Variants in CCDC178 observed in about 807,000 individuals in gnomAD.
The protein encoded by CCDC178 is coiled-coil domain containing 178, also known as coiled-coil domain-containing protein 178.
In CCDC178, 126 loss-of-function variants were observed where a neutral mutation model predicts 117.4. The ratio of observed to expected loss-of-function variants is 1.07; its 90% CI spans 0.93 to 1.24. The LOEUF (loss-of-function observed/expected upper bound fraction) is 1.24. Ranked by LOEUF, CCDC178 falls within the 50% of genes most tolerant of loss-of-function variation. The pLI is 0.00. For missense variants in CCDC178, 1,030 were observed against 986.9 expected (o/e 1.04, Z -0.59); for synonymous variants, 283 against 313.4 (o/e 0.90, Z 1.02).
intron 4 of CCDC178, 54 bp downstream of exon 4, chr18:33,397,095 T>C: frequency 8.6e-7 from 1 of 1,164,332 alleles, no homozygotes; most frequent in Non-Finnish European, 1.2e-6. Flanking sequence ...TTGAAAACAA[T>C]TAATATGTGA....
At chr18:33,117,452 C>T (rs1207807239) in intron 20 of CCDC178, among the ~76,000 whole-genome samples, 6 of 151,984 alleles carry the variant, frequency 3.9e-5, no homozygotes, top group Non-Finnish European at 5.9e-5. Flanking sequence ...AACTTGAGTC[C>T]CTGATATGGC....
Position 33,083,660 on chromosome 18 carries a change from T to C in CCDC178, c.2388+9101A>G, listed in dbSNP as rs115803059. 4.9e-4 allele frequency among the ~76,000 whole-genome samples: 75 copies of C among 152,358 alleles called. 1 individual carries two copies. The highest frequency in any genetic ancestry group is 3.4e-3 in the Middle Eastern group (1 of 294). On this transcript the variant is annotated intron_variant, in intron 21 of 22. Transcript: ENST00000383096. ...CCAGGCAATACTTATTTAAATACTTTCTTCCTGATTCTACTAGAGAAGTTA... is the reference window on the plus strand; with the variant it reads ...CCAGGCAATACTTATTTAAATACTTCCTTCCTGATTCTACTAGAGAAGTTA...
chr18:33,148,551 C>T (rs2058302208), intron 20 of CCDC178, among the ~76,000 whole-genome samples: 1 of 151,944 alleles, frequency 6.6e-6, no homozygotes, highest in Non-Finnish European at 1.5e-5. Context: ...TTTGTAATGT[C>T]TACCCACCAA....
intron 20 of CCDC178, among the ~76,000 whole-genome samples, chr18:33,098,533 C>G (rs1264009630): frequency 6.6e-6 from 1 of 152,018 alleles, no homozygotes; most frequent in Non-Finnish European, 1.5e-5. Flanking sequence ...TTACTGCAGA[C>G]AGCTCCTTGC....
rs115431202 is a variant in CCDC178, at chr18:33,002,140, G to C, written c.2389-27459C>G. Reference sequence around the variant, plus strand: ...GCTGTCTCAGACAGAAAATTAACAAGAAAATATCAGATGTAATTTCCACTA... The same window carrying C: ...GCTGTCTCAGACAGAAAATTAACAACAAAATATCAGATGTAATTTCCACTA... On this transcript the variant is annotated intron_variant, in intron 21 of 22. Transcript: ENST00000383096. Among the ~76,000 whole-genome samples the C allele has an allele frequency of 7.7e-3, 1,173 of 152,108 alleles. 17 individuals are homozygous for C. Among genetic ancestry groups the C allele is most frequent in the African/African-American group, 0.027 (1,125 of 41,512 alleles).
At chr18:33,116,055 T>C (rs761785704) in intron 20 of CCDC178, among the ~76,000 whole-genome samples, 3 of 152,110 alleles carry the variant, frequency 2.0e-5, no homozygotes, top group Non-Finnish European at 4.4e-5. Context: ...TTCAAGGAAT[T>C]GCCACACTGA....
rs1340266009 is a variant in CCDC178, at chr18:33,385,159, G to T, written c.208+4381C>A. Among the ~76,000 whole-genome samples, 6 of 152,188 alleles carry T rather than the reference G, an allele frequency of 3.9e-5. No homozygotes were observed. In the South Asian group the frequency reaches 1.0e-3, roughly 26 times the overall value. On this transcript the variant is annotated intron_variant, in intron 5 of 22. Coordinates refer to ENST00000383096, the MANE Select transcript of CCDC178 (RefSeq NM_001105528.4). ...GTTAAAGGGTTCAATTCAACAAGAA[G>T]AGCTGACTATCCTAAATATATGTGT...
intron 22 of CCDC178, among the ~76,000 whole-genome samples, chr18:32,943,601 T>A (rs1371618371): frequency 6.6e-6 from 1 of 152,218 alleles, no homozygotes; most frequent in African/African-American, 2.4e-5. Context: ...GTTTTGATTC[T>A]CAGAATACAA....
intron 14 of CCDC178, among the ~76,000 whole-genome samples, chr18:33,253,254 T>C (rs904957545): frequency 6.6e-6 from 1 of 151,930 alleles, no homozygotes; most frequent in Non-Finnish European, 1.5e-5. Flanking sequence ...ATATGGCATC[T>C]GTGTTTTAAC....
chr18:33,138,308 T>C (rs1337630104), intron 20 of CCDC178, among the ~76,000 whole-genome samples: 1 of 152,190 alleles, frequency 6.6e-6, no homozygotes, highest in Non-Finnish European at 1.5e-5. Context: ...GTATTTGTAT[T>C]GTGAGGAAAA....
chr18:33,066,689 A>G (rs928934848), intron 21 of CCDC178, among the ~76,000 whole-genome samples: 3 of 152,228 alleles, frequency 2.0e-5, no homozygotes, highest in African/African-American at 7.2e-5. Context: ...ACCGAAGTGA[A>G]GCAGGAGTCG....
At chr18:32,965,233 A>C (rs1233301442) in intron 22 of CCDC178, among the ~76,000 whole-genome samples, 4 of 151,982 alleles carry the variant, frequency 2.6e-5, no homozygotes, top group Non-Finnish European at 5.9e-5. Context: ...TGTGTCAGTA[A>C]GTGTGCATCC....
intron 7 of CCDC178, among the ~76,000 whole-genome samples, chr18:33,351,103 T>C (rs62093109): frequency 1.1e-3 from 169 of 151,880 alleles, no homozygotes; most frequent in African/African-American, 4.0e-3. Context: ...AATTTTCGTA[T>C]GCTAAACCAC....
At chr18:33,434,208 C>T (rs1439028659) in intron 2 of CCDC178, among the ~76,000 whole-genome samples, 4 of 152,058 alleles carry the variant, frequency 2.6e-5, no homozygotes, top group Admixed American at 2.6e-4. Flanking sequence ...AATAATAACA[C>T]CCACTAAGAA....
At chr18:33,236,853 G>A (rs916085498) in intron 15 of CCDC178, among the ~76,000 whole-genome samples, 1 of 152,002 alleles carries the variant, frequency 6.6e-6, no homozygotes, top group African/African-American at 2.4e-5. Context: ...CCAAAACTAG[G>A]GGCAACTTCC....
intron 20 of CCDC178, among the ~76,000 whole-genome samples, chr18:33,131,952 C>A (rs536935967): frequency 1.3e-5 from 2 of 151,274 alleles, no homozygotes; most frequent in Non-Finnish European, 3.0e-5. Context: ...GTTACGGCTG[C>A]CCCAAAATTC....
At chr18:33,158,351 CA>C (rs1568024421) in intron 20 of CCDC178, among the ~76,000 whole-genome samples, 1 of 152,094 alleles carries the variant, frequency 6.6e-6, no homozygotes, top group Non-Finnish European at 1.5e-5. Flanking sequence ...CTTCAATCTA[CA>C]GTTAGTACAA....
chr18:32,983,145 A>T, intron 21 of CCDC178: 1 of 513,146 alleles, frequency 1.9e-6, no homozygotes, highest in Non-Finnish European at 3.4e-6. Context: ...ATCTAAAAAA[A>T]AAAAAACCAC....
chr18:33,226,758 G>A (rs1195537850), intron 16 of CCDC178, 35 bp downstream of exon 16: 1 of 1,412,128 alleles, frequency 7.1e-7, no homozygotes, highest in South Asian at 1.3e-5. Context: ...GCAAATTAAA[G>A]GAAGAATAAA....
Sources: gnomAD v4.1 joint callset for allele counts (sites outside exome capture counted in the v4.1 genomes callset) on GRCh38, gnomAD v4.1.1 for gene constraint, MANE v1.5 for transcripts, NCBI Gene and HGNC (gene_info 2026-07-23, HGNC 2026-07-21) for gene names.